Variants in SNHG17 observed in about 807,000 individuals in gnomAD.
SNHG17 encodes the protein small nucleolar RNA host gene 17 (non-protein coding).
chr20:38,426,683 C>A (rs2084254059), intron 3 of SNHG17, among the ~76,000 whole-genome samples: 1 of 150,898 alleles, frequency 6.6e-6, no homozygotes, highest in African/African-American at 2.4e-5. Flanking sequence ...TCCACCCATT[C>A]CTCCAGGGGC....
intron 2 of SNHG17, among the ~76,000 whole-genome samples, chr20:38,431,729 C>G (rs2084345332): frequency 6.6e-6 from 1 of 152,164 alleles, no homozygotes. Context: ...GACCAAGGTA[C>G]AGGTAGGTTT....
chr20:38,424,840 G>A (rs113856493), intron 5 of SNHG17, among the ~76,000 whole-genome samples: 104 of 152,162 alleles, frequency 6.8e-4, no homozygotes, highest in Non-Finnish European at 1.2e-3. Flanking sequence ...CCTTTGACAG[G>A]AGCCTCTGAG....
chr20:38,432,340 G>A (rs2051535389), intron 2 of SNHG17, among the ~76,000 whole-genome samples: 1 of 152,170 alleles, frequency 6.6e-6, no homozygotes, highest in Non-Finnish European at 1.5e-5. Flanking sequence ...AGGGGACTCT[G>A]AACCTAGGAC....
chr20:38,432,709 T>A (rs2084359815), intron 2 of SNHG17, among the ~76,000 whole-genome samples: 1 of 152,190 alleles, frequency 6.6e-6, no homozygotes, highest in African/African-American at 2.4e-5. Flanking sequence ...TCTTTTTTGT[T>A]GTTGTTGTTT....
chr20:38,423,406 G>T (rs896993132), intron 5 of SNHG17, among the ~76,000 whole-genome samples: 1 of 147,378 alleles, frequency 6.8e-6, no homozygotes, highest in Non-Finnish European at 1.5e-5. Flanking sequence ...GACAGAGGGA[G>T]ACCCTGTCTC....
At chr20:38,434,039 C>A (rs749698760) in intron 2 of SNHG17, 2 of 513,836 alleles carry the variant, frequency 3.9e-6, no homozygotes, top group Non-Finnish European at 7.8e-6. Context: ...GTGTTAGCTG[C>A]CAGATCTCCA....
chr20:38,429,756 AC>A, intron 3 of SNHG17: 1 of 517,316 alleles, frequency 1.9e-6, no homozygotes, highest in South Asian at 1.4e-5. Flanking sequence ...TCCCTGCACT[AC>A]CAATGACCAG....
At chr20:38,432,409 TG>T (rs1056517720) in intron 2 of SNHG17, among the ~76,000 whole-genome samples, 2 of 152,190 alleles carry the variant, frequency 1.3e-5, no homozygotes, top group African/African-American at 4.8e-5. Context: ...AGGGCTATGA[TG>T]GGCAGGATGG....
intron 2 of SNHG17, chr20:38,431,898 A>G: frequency 5.9e-6 from 3 of 506,084 alleles, no homozygotes; most frequent in Non-Finnish European, 7.7e-6. Flanking sequence ...AGACACTCTT[A>G]CCTCACCTCT....
chr20:38,432,888 G>T (rs886115394), intron 2 of SNHG17, among the ~76,000 whole-genome samples: 3 of 152,028 alleles, frequency 2.0e-5, no homozygotes, highest in Non-Finnish European at 2.9e-5. Context: ...GGGCTCAAGC[G>T]ATCCACCCAC....
intron 2 of SNHG17, chr20:38,434,030 T>A: frequency 1.9e-6 from 1 of 516,460 alleles, no homozygotes; most frequent in Non-Finnish European, 3.9e-6. Flanking sequence ...CACGTCAGCG[T>A]GTTAGCTGCC....
At chr20:38,434,898 A>C in intron 1 of SNHG17, 1 of 1,216,844 alleles carries the variant, frequency 8.2e-7, no homozygotes, top group Non-Finnish European at 1.0e-6. Context: ...GCGGGCAGCT[A>C]AAGTCGCCGA....
chr20:38,433,151 T>A (rs1380362173), intron 2 of SNHG17, among the ~76,000 whole-genome samples: 1 of 151,954 alleles, frequency 6.6e-6, no homozygotes, highest in Non-Finnish European at 1.5e-5. Context: ...ATTTTTGTAT[T>A]TTTTAGTAGA....
At chr20:38,431,400 G>T (rs1346680181) in intron 2 of SNHG17, among the ~76,000 whole-genome samples, 2 of 152,160 alleles carry the variant, frequency 1.3e-5, no homozygotes, top group Non-Finnish European at 2.9e-5. Flanking sequence ...TGCACACAGG[G>T]GCAGAAAGAG....
At chr20:38,427,505 C>T in intron 3 of SNHG17, 1 of 468,698 alleles carries the variant, frequency 2.1e-6, no homozygotes, top group Non-Finnish European at 4.3e-6. Flanking sequence ...TGGGATGACC[C>T]AAGTCAGGGA....
chr20:38,429,734 C>G (rs777876803), intron 3 of SNHG17: 1 of 514,848 alleles, frequency 1.9e-6, no homozygotes, highest in African/African-American at 1.9e-5. Context: ...GAAGTGCTCT[C>G]GGCAGTTCCT....
intron 1 of SNHG17, chr20:38,434,809 C>G (rs1409794577): frequency 1.0e-6 from 1 of 979,398 alleles, no homozygotes; most frequent in Non-Finnish European, 1.2e-6. Context: ...TTAACGGTCT[C>G]AAGGACGTGG....
At chr20:38,432,129 C>G (rs1317444842) in intron 2 of SNHG17, 1 of 985,420 alleles carries the variant, frequency 1.0e-6, no homozygotes. Context: ...TGGTCAAACC[C>G]GTTCTGGAAA....
intron 3 of SNHG17, among the ~76,000 whole-genome samples, chr20:38,429,497 G>T (rs2084304713): frequency 6.6e-6 from 1 of 152,156 alleles, no homozygotes; most frequent in African/African-American, 2.4e-5. Context: ...GAGCAGGGCA[G>T]CCCTATCTCA....
Sources: allele counts gnomAD v4.1 joint callset (sites outside exome capture counted in the v4.1 genomes callset), GRCh38; gene constraint gnomAD v4.1.1; transcripts MANE v1.5; gene names NCBI Gene and HGNC (gene_info 2026-07-23, HGNC 2026-07-21).